The following SLCO3A1 variants were observed in gnomAD, a reference collection of about 807,000 sequenced individuals.
The protein encoded by SLCO3A1 is PGE1 transporter.
Under a neutral mutation model 63.1 loss-of-function variants are expected in SLCO3A1, and 27 were observed. The observed-to-expected ratio is 0.43, with a 90% CI of 0.32 to 0.59. The LOEUF (loss-of-function observed/expected upper bound fraction) is 0.59, where lower values mean the gene tolerates loss of function less well. Ranked by LOEUF, SLCO3A1 falls within the 20% of genes least tolerant of loss-of-function variation. The pLI, the probability that SLCO3A1 is intolerant of heterozygous loss-of-function variation, is 0.09. For missense variants in SLCO3A1, 773 were observed against 945.8 expected (o/e 0.82, Z 2.40); for synonymous variants, 473 against 409.9 (o/e 1.15, Z -1.86).
chr15:92,130,643 C>T (rs547470037), intron 7 of SLCO3A1, among the ~76,000 whole-genome samples: 2 of 152,234 alleles, frequency 1.3e-5, no homozygotes, highest in South Asian at 2.1e-4. Context: ...CAGGCTTTGT[C>T]GAGAGCCTAT....
intron 9 of SLCO3A1, 100 bp from the exon 10 acceptor site, chr15:92,162,656 T>TA: frequency 6.6e-7 from 1 of 1,505,160 alleles, no homozygotes; most frequent in Non-Finnish European, 8.9e-7. Context: ...GAGTCAGACA[T>TA]ATTTGCCTAG....
At chr15:92,073,658 C>A (rs752780583) in intron 2 of SLCO3A1, among the ~76,000 whole-genome samples, 10 of 152,198 alleles carry the variant, frequency 6.6e-5, no homozygotes, top group Admixed American at 4.6e-4. Context: ...TGAGTAGTTT[C>A]TCAACTCCAT....
chr15:91,987,757 AGAT>A lies in SLCO3A1; in HGVS notation c.646+71300_646+71302del, dbSNP rs1417461305. 4.6e-5 allele frequency among the ~76,000 whole-genome samples: 7 copies of A among 151,116 alleles called. No homozygotes were observed. In the East Asian group the frequency reaches 5.8e-4, roughly 13 times the overall value. On this transcript the variant is annotated intron_variant, in intron 2 of 9. Coordinates refer to ENST00000318445, the MANE Select transcript of SLCO3A1 (RefSeq NM_013272.4). ...AGACTTTGTCTAAAAAAAAAAAAAA[AGAT>A]AATAATAATTAATTGTGGTCGCAGC...
chr15:92,156,021 C>G (rs2048366752), intron 9 of SLCO3A1, among the ~76,000 whole-genome samples: 1 of 152,150 alleles, frequency 6.6e-6, no homozygotes, highest in Non-Finnish European at 1.5e-5. Flanking sequence ...CATTCCTGAG[C>G]AGATTGTCCT....
chr15:92,157,431 C>G lies in SLCO3A1; in HGVS notation c.1754-5325C>G, dbSNP rs369865470. On this transcript the variant is annotated intron_variant, in intron 9 of 9. Coordinates refer to ENST00000318445, the MANE Select transcript of SLCO3A1 (RefSeq NM_013272.4). ...GACACTAAAGTACACCTGGCCCCCC[C>G]CCTTGTCCTCCCTTCTGGACACACC... Among the ~76,000 whole-genome samples, 86 of 151,706 alleles carry G rather than the reference C, an allele frequency of 5.7e-4. 1 individual carries two copies. In the East Asian group the frequency reaches 0.012, roughly 21 times the overall value.
intron 8 of SLCO3A1, among the ~76,000 whole-genome samples, chr15:92,147,583 T>C (rs575553398): frequency 2.8e-4 from 43 of 152,136 alleles, no homozygotes; most frequent in Non-Finnish European, 6.0e-4. Flanking sequence ...ATATGACCCA[T>C]CCTGCCTGCC....
intron 2 of SLCO3A1, among the ~76,000 whole-genome samples, chr15:92,074,990 A>G (rs2047260880): frequency 6.6e-6 from 1 of 151,694 alleles, no homozygotes; most frequent in Non-Finnish European, 1.5e-5. Flanking sequence ...AGACTTGGGG[A>G]CTCTCCAGTC....
chr15:91,882,182 T>C lies in SLCO3A1; in HGVS notation c.180+28094T>C, dbSNP rs1597086315. On this transcript the variant is annotated intron_variant, in intron 1 of 9. Coordinates refer to ENST00000318445, the MANE Select transcript of SLCO3A1 (RefSeq NM_013272.4). The surrounding 1 kb of genome is among the most constrained non-coding windows in gnomAD (Gnocchi z 4.4). The stretch of plus-strand genomic sequence containing the variant: ...ACTAGGATCACGCTTAGCATGGTAA[T>C]AGTGAGATCTATGCACAGGAGGGGG... Among the ~76,000 whole-genome samples, 1 of 152,212 alleles carries C rather than the reference T, an allele frequency of 6.6e-6. No individual in the cohort carries two copies. The highest frequency in any genetic ancestry group is 3.4e-3 in the Middle Eastern group (1 of 294).
At chr15:92,106,882 C>T (rs1034929491) in intron 4 of SLCO3A1, among the ~76,000 whole-genome samples, 2 of 152,214 alleles carry the variant, frequency 1.3e-5, no homozygotes, top group African/African-American at 2.4e-5. Context: ...TTGAGCCCTG[C>T]TATGGCTTAA....
chr15:92,078,843 C>T (rs1641924054), intron 2 of SLCO3A1, among the ~76,000 whole-genome samples: 1 of 152,172 alleles, frequency 6.6e-6, no homozygotes, highest in African/African-American at 2.4e-5. Flanking sequence ...GCTCACTAGG[C>T]ATCAGCACCG....
chr15:92,032,391 G>A (rs1363707121), intron 2 of SLCO3A1, among the ~76,000 whole-genome samples: 1 of 152,148 alleles, frequency 6.6e-6, no homozygotes, highest in African/African-American at 2.4e-5. Context: ...AGCATTCTAG[G>A]TGGAGCGAAT....
chr15:92,042,734 A>G (rs911092194), intron 2 of SLCO3A1, among the ~76,000 whole-genome samples: 2 of 152,158 alleles, frequency 1.3e-5, no homozygotes, highest in Non-Finnish European at 2.9e-5. Context: ...TGCAAAGAAG[A>G]TAGTGTGTGC....
intron 2 of SLCO3A1, among the ~76,000 whole-genome samples, chr15:92,017,535 G>C (rs1252651225): frequency 6.6e-6 from 1 of 152,152 alleles, no homozygotes; most frequent in Non-Finnish European, 1.5e-5. Context: ...AATGGGTGTA[G>C]AGGTGGATAT....
chr15:91,943,269 G>A (rs1340586525), intron 2 of SLCO3A1, among the ~76,000 whole-genome samples: 1 of 152,082 alleles, frequency 6.6e-6, no homozygotes, highest in African/African-American at 2.4e-5. Flanking sequence ...GCAACCACCA[G>A]TGTGCTTCCT....
At position 92,164,915 on chromosome 15, in the gene SLCO3A1, T is replaced by G; in HGVS notation, c.*1780T>G. The G allele has an allele frequency of 1.0e-6, 1 of 985,426 alleles. No individual in the cohort carries two copies. Among genetic ancestry groups the G allele is most frequent in the Non-Finnish European group, 1.2e-6 (1 of 829,926 alleles). The allele number at this position is 985,426 out of a possible 1,614,324, so 61.0% of individuals were successfully genotyped here. On this transcript the variant is annotated 3_prime_UTR_variant, in exon 10 of 10. Coordinates refer to ENST00000318445, the MANE Select transcript of SLCO3A1 (RefSeq NM_013272.4). ...CTGCTAACTTACTCCTCATGCTGCTTCAGTGACCTTTGTTCATGTCACATT... is the reference window on the plus strand; with the variant it reads ...CTGCTAACTTACTCCTCATGCTGCTGCAGTGACCTTTGTTCATGTCACATT...
chr15:92,130,865 T>G (rs1015914880), intron 7 of SLCO3A1, among the ~76,000 whole-genome samples: 1 of 144,790 alleles, frequency 6.9e-6, no homozygotes, highest in Non-Finnish European at 1.5e-5. Flanking sequence ...TCTCCACTCT[T>G]CTTGTCTCCA....
At position 92,120,470 on chromosome 15, in the gene SLCO3A1, C is replaced by A. The variant is rs753784415; in HGVS notation, c.1015C>A (p.Pro339Thr). ...TGCCTTCTGTCTCCCTGCAGTGATC[C>A]CGAAGGTCACCAAGCACCTGCTCTC... ...ASCFQQLRVI[P>T]KVTKHLLSNP... The change falls in exon 5 of 10, where the codon CCG becomes ACG. Residue 339 changes from proline to threonine, a missense_variant. Transcript: ENST00000318445. The A allele has an allele frequency of 6.2e-7, 1 of 1,613,868 alleles. No homozygotes were observed. The highest frequency in any genetic ancestry group is 1.3e-5 in the African/African-American group (1 of 74,912).
chr15:91,859,309 C>G lies in SLCO3A1; in HGVS notation c.180+5221C>G, dbSNP rs927234137. 6.6e-6 allele frequency among the ~76,000 whole-genome samples: 1 copy of G among 152,116 alleles called. No homozygotes were observed. The highest frequency in any genetic ancestry group is 6.5e-5 in the Admixed American group (1 of 15,268). On this transcript the variant is annotated intron_variant, in intron 1 of 9. Coordinates refer to ENST00000318445, the MANE Select transcript of SLCO3A1 (RefSeq NM_013272.4). The surrounding 1 kb of genome is among the most constrained non-coding windows in gnomAD (Gnocchi z 5.1). ...CAGAAAGATAGCATCCTTACTCTTT[C>G]AATTCATTTTTATTTTCGGTTTCTA...
intron 2 of SLCO3A1, among the ~76,000 whole-genome samples, chr15:92,011,726 G>A (rs2046371002): frequency 6.6e-6 from 1 of 152,266 alleles, no homozygotes; most frequent in Non-Finnish European, 1.5e-5. Flanking sequence ...CAAGGGCTCA[G>A]CTTTGCCAAG....
Sources: gnomAD v4.1 joint callset for allele counts (sites outside exome capture counted in the v4.1 genomes callset) on GRCh38, gnomAD v4.1.1 for gene constraint, Gnocchi (gnomAD v3.1) non-coding constraint, MANE v1.5 for transcripts, NCBI Gene and HGNC (gene_info 2026-07-23, HGNC 2026-07-21) for gene names.